The following HMGN5 variants were observed in gnomAD, a reference collection of about 807,000 sequenced individuals.
The protein encoded by HMGN5 is high mobility group nucleosome-binding domain-containing protein 5.
A neutral mutation model predicts 9.5 loss-of-function variants in HMGN5; 4 were observed. The ratio of observed to expected loss-of-function variants is 0.42; its 90% CI spans 0.21 to 0.96. The LOEUF is 0.96. HMGN5 is among the 40% of genes least tolerant of loss of function. The probability of loss-of-function intolerance (pLI) is 0.30; values close to 1 mark genes in which losing one functional copy is unlikely to be tolerated. For missense variants in HMGN5, 192 were observed against 187.5 expected (o/e 1.02, Z -0.14); for synonymous variants, 55 against 57.1 (o/e 0.96, Z 0.16).
intron 1 of HMGN5, among the ~76,000 whole-genome samples, chrX:81,139,866 G>T (rs1482426460): frequency 5.3e-5 from 6 of 112,185 alleles, no homozygotes; most frequent in Non-Finnish European, 9.4e-5. Context: ...ACCTCATCAC[G>T]GAGGGCTCCA....
At chrX:81,199,619 C>A (rs1324058984) in intron 1 of HMGN5, among the ~76,000 whole-genome samples, 13 of 112,034 alleles carry the variant, frequency 1.2e-4, no homozygotes, top group South Asian at 3.7e-4. Flanking sequence ...CAAAAACAAG[C>A]AATGGGGAAA....
intron 1 of HMGN5, among the ~76,000 whole-genome samples, chrX:81,183,668 C>G (rs752112515): frequency 8.9e-6 from 1 of 112,950 alleles, no homozygotes; most frequent in South Asian, 3.6e-4. Flanking sequence ...TCATGGAGAA[C>G]CTCTGCTAGG....
intron 1 of HMGN5, among the ~76,000 whole-genome samples, chrX:81,177,659 A>G (rs989612155): frequency 1.8e-5 from 2 of 110,633 alleles, no homozygotes; most frequent in Admixed American, 1.9e-4. Context: ...GATCAATGAG[A>G]AAGAAGGTTA....
chrX:81,123,955 G>C (rs1190835690), intron 1 of HMGN5, among the ~76,000 whole-genome samples: 1 of 111,898 alleles, frequency 8.9e-6, no homozygotes, highest in Admixed American at 9.5e-5. Context: ...GGCAGGAAAA[G>C]GTTGTACTTG....
At chrX:81,144,560 G>T (rs760565342) in intron 1 of HMGN5, among the ~76,000 whole-genome samples, 5 of 112,120 alleles carry the variant, frequency 4.5e-5, no homozygotes, top group South Asian at 3.7e-4. Context: ...GCACAAAAAG[G>T]TTGAAAATTT....
At chrX:81,157,033 A>G (rs944665327) in intron 1 of HMGN5, among the ~76,000 whole-genome samples, 1 of 111,900 alleles carries the variant, frequency 8.9e-6, no homozygotes, top group East Asian at 2.8e-4. Flanking sequence ...TCTTATAGAT[A>G]GTGGGTCTCT....
chrX:81,196,217 A>T (rs992114829), intron 1 of HMGN5, among the ~76,000 whole-genome samples: 12 of 110,593 alleles, frequency 1.1e-4, no homozygotes, highest in Admixed American at 1.9e-4. Context: ...TAGAGAAAAA[A>T]TTTTATATTA....
intron 1 of HMGN5, among the ~76,000 whole-genome samples, chrX:81,175,213 A>G (rs2075438195): frequency 1.8e-5 from 2 of 112,068 alleles, no homozygotes; most frequent in Non-Finnish European, 3.8e-5. Context: ...AACCAGTGTT[A>G]CTCAAACTGG....
At chrX:81,196,688 G>A (rs754806507) in intron 1 of HMGN5, among the ~76,000 whole-genome samples, 1 of 109,765 alleles carries the variant, frequency 9.1e-6, no homozygotes, top group Non-Finnish European at 1.9e-5. Flanking sequence ...ATTACAGGCG[G>A]CCACCACCAC....
chrX:81,167,594 G>C (rs2075414585), intron 1 of HMGN5, among the ~76,000 whole-genome samples: 1 of 110,910 alleles, frequency 9.0e-6, no homozygotes, highest in African/African-American at 3.3e-5. Context: ...TACTGTTTTT[G>C]ACCAACTGAA....
chrX:81,191,908 G>T (rs2075495172), intron 1 of HMGN5, among the ~76,000 whole-genome samples: 1 of 111,606 alleles, frequency 9.0e-6, no homozygotes, highest in South Asian at 3.8e-4. Flanking sequence ...CTCTGTGTTT[G>T]TTGCTAGGGG....
At chrX:81,138,954 AACT>A (rs2075319799) in intron 1 of HMGN5, among the ~76,000 whole-genome samples, 1 of 111,759 alleles carries the variant, frequency 8.9e-6, no homozygotes, top group Non-Finnish European at 1.9e-5. Flanking sequence ...TAAAATTATA[AACT>A]ACTGATGAAG....
At chrX:81,157,136 C>T (rs1219926021) in intron 1 of HMGN5, among the ~76,000 whole-genome samples, 1 of 111,442 alleles carries the variant, frequency 9.0e-6, no homozygotes, top group African/African-American at 3.3e-5. Context: ...TTTCCCATTG[C>T]CTTGAAATCT....
At chrX:81,183,398 G>A (rs73634719) in intron 1 of HMGN5, among the ~76,000 whole-genome samples, 2,188 of 112,518 alleles carry the variant, frequency 0.019, 48 homozygotes, top group African/African-American at 0.066. Flanking sequence ...CCAGGGCCCC[G>A]CTGCCCTGTG....
chrX:81,195,997 T>C (rs759910332), intron 1 of HMGN5, among the ~76,000 whole-genome samples: 1 of 111,213 alleles, frequency 9.0e-6, no homozygotes, highest in East Asian at 2.9e-4. Context: ...GGAGTCAATG[T>C]TGCTTCCTGC....
intron 1 of HMGN5, among the ~76,000 whole-genome samples, chrX:81,159,301 T>C (rs948098625): frequency 1.8e-5 from 2 of 110,843 alleles, no homozygotes; most frequent in African/African-American, 6.6e-5. Flanking sequence ...AATGCTTGGG[T>C]GATGAGTTGA....
chrX:81,140,970 A>G (rs2075327571), intron 1 of HMGN5, among the ~76,000 whole-genome samples: 1 of 111,077 alleles, frequency 9.0e-6, no homozygotes, highest in Admixed American at 9.6e-5. Flanking sequence ...AGCATTCATC[A>G]CAAGCTGACT....
At chrX:81,154,008 G>A (rs1669350016) in intron 1 of HMGN5, among the ~76,000 whole-genome samples, 1 of 109,349 alleles carries the variant, frequency 9.1e-6, no homozygotes, top group Admixed American at 9.8e-5. Context: ...CACAGAAATA[G>A]AAAAAAATTC....
intron 1 of HMGN5, among the ~76,000 whole-genome samples, chrX:81,188,348 C>T (rs1243069087): frequency 9.3e-6 from 1 of 107,574 alleles, no homozygotes; most frequent in South Asian, 4.1e-4. Flanking sequence ...AGGCTGGTCT[C>T]GAACTCCTAA....
Sources: allele counts gnomAD v4.1 joint callset (sites outside exome capture counted in the v4.1 genomes callset), GRCh38; gene constraint gnomAD v4.1.1; transcripts MANE v1.5; gene names NCBI Gene and HGNC (gene_info 2026-07-23, HGNC 2026-07-21).